The following EGFR variants were observed in gnomAD, a reference collection of about 807,000 sequenced individuals.
EGFR encodes the protein epidermal growth factor receptor, also known as avian erythroblastic leukemia viral (v-erb-b) oncogene homolog.
A neutral mutation model predicts 143.0 loss-of-function variants in EGFR; 58 were observed. The ratio of observed to expected loss-of-function variants is 0.41; its 90% CI spans 0.33 to 0.50. EGFR has a LOEUF of 0.50. Ranked by LOEUF, EGFR falls within the 20% of genes least tolerant of loss-of-function variation. The pLI, the probability that EGFR is intolerant of heterozygous loss-of-function variation, is 0.39. For missense variants in EGFR, 1,307 were observed against 1,579.0 expected (o/e 0.83, Z 2.92); for synonymous variants, 613 against 594.4 (o/e 1.03, Z -0.45).
chr7:55,081,782 A>G (rs1018963786), intron 1 of EGFR, among the ~76,000 whole-genome samples: 5 of 151,700 alleles, frequency 3.3e-5, no homozygotes, highest in Non-Finnish European at 7.4e-5. Context: ...GTGTGTTCTA[A>G]TTTACTCTGT....
At chr7:55,057,120 C>G (rs531471531) in intron 1 of EGFR, among the ~76,000 whole-genome samples, 2 of 152,332 alleles carry the variant, frequency 1.3e-5, no homozygotes, top group South Asian at 4.1e-4. Flanking sequence ...ATTGACCCTC[C>G]TGGCTCCAGA....
intron 19 of EGFR, chr7:55,180,103 C>T (rs940150305): frequency 6.6e-6 from 1 of 152,572 alleles, no homozygotes; most frequent in African/African-American, 2.4e-5. Flanking sequence ...CACCCTGGAG[C>T]AGCACCCTAT....
At chr7:55,157,228 C>T (rs2128939157) in intron 10 of EGFR, among the ~76,000 whole-genome samples, 1 of 152,348 alleles carries the variant, frequency 6.6e-6, no homozygotes, top group African/African-American at 2.4e-5. Context: ...GCCTGAGCTC[C>T]GCTTCCTTCC....
chr7:55,164,246 A>T (rs2128945225), intron 14 of EGFR, among the ~76,000 whole-genome samples: 1 of 152,286 alleles, frequency 6.6e-6, no homozygotes, highest in South Asian at 2.1e-4. Context: ...TTGTATCTAT[A>T]TGTTCAATAA....
chr7:55,091,641 A>G (rs1377974972), intron 1 of EGFR, among the ~76,000 whole-genome samples: 2 of 152,176 alleles, frequency 1.3e-5, no homozygotes, highest in African/African-American at 4.8e-5. Flanking sequence ...AATTGACAAT[A>G]CAAGTCCCTA....
intron 7 of EGFR, 50 bp downstream of exon 7, chr7:55,154,202 C>T: frequency 1.9e-6 from 3 of 1,613,574 alleles, no homozygotes; most frequent in Non-Finnish European, 2.5e-6. Context: ...CCTTGTCCCG[C>T]TCTGTCTCCT....
At position 55,206,240 on chromosome 7, in the gene EGFR, G is replaced by GAA; in HGVS notation, c.*625_*626dup. On this transcript the variant is annotated 3_prime_UTR_variant, in exon 28 of 28. Coordinates refer to ENST00000275493, the MANE Select transcript of EGFR (RefSeq NM_005228.5). ...ACTCTGTCCCTTCCTGGGCAAAGAA[G>GAA]AAACGGAGGGGATGGAATTCTTCCT... The GAA allele has an allele frequency of 4.2e-6, 1 of 236,744 alleles. No homozygotes were observed. The highest frequency in any genetic ancestry group is 8.3e-6 in the Non-Finnish European group (1 of 120,314). 14.7% of individuals were successfully genotyped at this position (236,744 alleles called of 1,614,324 possible).
intron 1 of EGFR, among the ~76,000 whole-genome samples, chr7:55,020,688 G>C (rs994888580): frequency 5.9e-5 from 9 of 151,988 alleles, no homozygotes; most frequent in Middle Eastern, 3.4e-3. Context: ...CACTTGACAG[G>C]GGAAACATGC....
At chr7:55,185,506 G>T (rs892133776) in intron 20 of EGFR, among the ~76,000 whole-genome samples, 1 of 152,202 alleles carries the variant, frequency 6.6e-6, no homozygotes, top group Non-Finnish European at 1.5e-5. Context: ...CTGCTCCTGT[G>T]CCACCCTCTC....
chr7:55,072,437 G>A (rs940944426), intron 1 of EGFR, among the ~76,000 whole-genome samples: 2 of 152,196 alleles, frequency 1.3e-5, no homozygotes, highest in Admixed American at 6.5e-5. Context: ...TGCATTTTCT[G>A]GTGGGCACCA....
intron 1 of EGFR, among the ~76,000 whole-genome samples, chr7:55,111,691 C>T (rs1792499776): frequency 6.6e-6 from 1 of 152,126 alleles, no homozygotes; most frequent in Non-Finnish European, 1.5e-5. Context: ...CAGGCGAGCA[C>T]CCACCTGAGG....
chr7:55,081,763 G>A (rs986599843), intron 1 of EGFR, among the ~76,000 whole-genome samples: 4 of 150,538 alleles, frequency 2.7e-5, no homozygotes, highest in East Asian at 1.9e-4. Flanking sequence ...TCTCCAAAAC[G>A]TGCTGTCAGT....
intron 1 of EGFR, chr7:55,110,102 A>C (rs1288537842): frequency 8.6e-6 from 3 of 347,586 alleles, no homozygotes; most frequent in African/African-American, 6.7e-5. Context: ...ATCTTATGAG[A>C]ATTTCCAGAG....
intron 1 of EGFR, among the ~76,000 whole-genome samples, chr7:55,088,759 T>G (rs181166998): frequency 6.6e-6 from 1 of 152,208 alleles, no homozygotes; most frequent in Admixed American, 6.5e-5. Context: ...CCTTCGCAAT[T>G]GAAACCAAAA....
At chr7:55,042,908 G>A (rs745667811) in intron 1 of EGFR, among the ~76,000 whole-genome samples, 17 of 152,000 alleles carry the variant, frequency 1.1e-4, no homozygotes, top group Admixed American at 2.6e-4. Context: ...ATTTCCTTTC[G>A]CTGTGTTTAC....
intron 1 of EGFR, among the ~76,000 whole-genome samples, chr7:55,032,097 C>T (rs532168611): frequency 1.2e-4 from 19 of 152,256 alleles, no homozygotes; most frequent in Non-Finnish European, 2.1e-4. Flanking sequence ...CTAGGTACCA[C>T]GTAATGTTAT....
rs1168324453 is a variant in EGFR at position 55,063,322 on chromosome 7, C to CTAA, written c.88+43957_88+43958insTAA. ...TTTGAATCCTCTTCCCTGGTGAAGT[C>CTAA]ATTTAGGTTCAGGCTCTTATTTTAC... is the stretch of plus-strand genomic sequence containing the variant. On this transcript the variant is annotated intron_variant, in intron 1 of 27. Transcript: ENST00000275493. Among the ~76,000 whole-genome samples the CTAA allele has an allele frequency of 2.0e-5, 3 of 152,190 alleles. No homozygotes were observed. The South Asian group carries it at 6.2e-4, about 32-fold the overall frequency.
At chr7:55,135,186 TAGAAGGAG>T (rs1794066654) in intron 1 of EGFR, among the ~76,000 whole-genome samples, 1 of 152,076 alleles carries the variant, frequency 6.6e-6, no homozygotes, top group Non-Finnish European at 1.5e-5. Context: ...TTTTAATGGC[TAGAAGGAG>T]AATCATGGGG....
At chr7:55,202,402 C>A (rs1787887937) in intron 26 of EGFR, 115 bp from the exon 27 acceptor site, 3 of 887,484 alleles carry the variant, frequency 3.4e-6, no homozygotes, top group South Asian at 1.5e-5. Flanking sequence ...GACTCTCAGG[C>A]CTGCCCAACC....
Sources: gnomAD v4.1 joint callset for allele counts (sites outside exome capture counted in the v4.1 genomes callset) on GRCh38, gnomAD v4.1.1 for gene constraint, MANE v1.5 for transcripts, NCBI Gene and HGNC (gene_info 2026-07-23, HGNC 2026-07-21) for gene names.